Variants in CATSPERE observed in about 807,000 individuals in gnomAD.
CATSPERE encodes catsper channel auxiliary subunit epsilon.
A neutral mutation model predicts 114.1 loss-of-function variants in CATSPERE; 93 were observed. That is an observed-to-expected ratio of 0.81 (90% CI 0.69 to 0.97). The LOEUF (loss-of-function observed/expected upper bound fraction) is 0.97. Among genes scored for constraint, CATSPERE ranks in the 50% least tolerant of loss-of-function variants. The pLI is 0.00. For synonymous variants in CATSPERE, 341 were observed against 384.1 expected, an observed-to-expected ratio of 0.89 and a Z score of 1.31; for missense variants, 1,058 against 1,131.6, an observed-to-expected ratio of 0.93 and a Z score of 0.93.
chr1:244,543,839 G>A (rs1004599599), intron 8 of CATSPERE, among the ~76,000 whole-genome samples: 3 of 151,810 alleles, frequency 2.0e-5, no homozygotes, highest in African/African-American at 7.3e-5. Flanking sequence ...GAGGTGAGGG[G>A]AGAAACATAG....
Position 244,552,431 on chromosome 1 carries a change from A to G in CATSPERE, c.646A>G (p.Thr216Ala), listed in dbSNP as rs760291280. ...TATTGCAGATTTTCTTATTCTGTTGACTTTTCCTTTGTTGACCATACCTGA... is the reference window on the plus strand; with the variant it reads ...TATTGCAGATTTTCTTATTCTGTTGGCTTTTCCTTTGTTGACCATACCTGA... The part of the protein sequence containing the change: ...CFIADFLILL[T>A]FPLLTIPEIP... The change falls in exon 9 of 22, where the codon ACT (threonine) becomes GCT (alanine). Residue 216 changes from threonine (T) to alanine (A), a missense_variant. Transcript: ENST00000366534. 6.2e-7 allele frequency: 1 copy of G among 1,614,150 alleles called. No individual in the cohort carries two copies. The highest frequency in any genetic ancestry group is 8.5e-7 in the Non-Finnish European group (1 of 1,180,014).
At chr1:244,483,873 C>A (rs576818392) in intron 5 of CATSPERE, among the ~76,000 whole-genome samples, 9 of 151,942 alleles carry the variant, frequency 5.9e-5, no homozygotes, top group Non-Finnish European at 1.0e-4. Context: ...TTTAAGAAAT[C>A]TTTTCCTACT....
At chr1:244,471,439 A>G (rs1668459581) in intron 2 of CATSPERE, among the ~76,000 whole-genome samples, 1 of 152,220 alleles carries the variant, frequency 6.6e-6, no homozygotes, top group Non-Finnish European at 1.5e-5. Context: ...TAGTTTGATG[A>G]CCTTTGGCAA....
intron 5 of CATSPERE, among the ~76,000 whole-genome samples, chr1:244,480,419 G>A (rs954419692): frequency 1.3e-5 from 2 of 152,186 alleles, no homozygotes; most frequent in African/African-American, 4.8e-5. Flanking sequence ...ACCCCAAGAT[G>A]CCTGGAAAAT....
intron 11 of CATSPERE, among the ~76,000 whole-genome samples, chr1:244,578,063 T>TA: frequency 6.6e-6 from 1 of 152,346 alleles, no homozygotes; most frequent in East Asian, 1.9e-4. Context: ...TTGATTATAG[T>TA]ATACAGTTGA....
At chr1:244,592,205 C>T (rs1667816529) in intron 15 of CATSPERE, among the ~76,000 whole-genome samples, 1 of 152,048 alleles carries the variant, frequency 6.6e-6, no homozygotes, top group Admixed American at 6.6e-5. Flanking sequence ...AAAAAACTAG[C>T]CGGGCATGGT....
At chr1:244,460,999 C>A (rs1666651023), upstream of CATSPERE, among the ~76,000 whole-genome samples, 3 of 152,250 alleles carry the variant, frequency 2.0e-5, no homozygotes, top group South Asian at 6.2e-4. Context: ...ATTGCAGTGT[C>A]TATACGCAGT....
intron 8 of CATSPERE, among the ~76,000 whole-genome samples, chr1:244,520,993 G>A (rs1194495332): frequency 1.3e-5 from 2 of 152,112 alleles, no homozygotes; most frequent in African/African-American, 4.8e-5. Flanking sequence ...ATATAAGAAA[G>A]GAAAATCACA....
intron 8 of CATSPERE, among the ~76,000 whole-genome samples, chr1:244,530,392 C>A (rs1679402249): frequency 6.6e-6 from 1 of 152,164 alleles, no homozygotes; most frequent in South Asian, 2.1e-4. Context: ...TGTTTCTATG[C>A]CAGTACCATG....
At chr1:244,498,877 G>A (rs1673544462) in intron 6 of CATSPERE, 125 bp from the exon 7 acceptor site, 5 of 585,066 alleles carry the variant, frequency 8.5e-6, no homozygotes, top group South Asian at 4.3e-5. Flanking sequence ...CAGCCTGGGC[G>A]ACAGAGCAAG....
chr1:244,633,104 C>T lies in CATSPERE; in HGVS notation c.2649-2385C>T, dbSNP rs1674179490. Among the ~76,000 whole-genome samples, 1 of 152,090 alleles carries T rather than the reference C, an allele frequency of 6.6e-6. No homozygotes were observed. Among genetic ancestry groups the T allele is most frequent in the Non-Finnish European group, 1.5e-5 (1 of 68,026 alleles). On this transcript the variant is annotated intron_variant, in intron 20 of 21. Coordinates refer to ENST00000366534, the MANE Select transcript of CATSPERE (RefSeq NM_001130957.2). This position sits in a 1 kb window ranked among gnomAD's most constrained non-coding sequence, Gnocchi z 4.1. ...AAATGTGGATTTACCTTTAAAACAG[C>T]TTCAAAATACATGAAACAAAAACGG...
At chr1:244,595,790 G>A (rs551884788) in intron 17 of CATSPERE, among the ~76,000 whole-genome samples, 7 of 152,128 alleles carry the variant, frequency 4.6e-5, no homozygotes, top group South Asian at 4.1e-4. Context: ...AAAATTAGCC[G>A]GGCGTGGTGG....
In CATSPERE at chr1:244,572,510, T is replaced by C. The variant is rs138980646; in HGVS notation, c.1688T>C (p.Ile563Thr). The C allele has an allele frequency of 1.7e-4, 269 of 1,614,120 alleles. 4 individuals carry two copies. In the South Asian group the frequency reaches 1.8e-3, roughly 11 times the overall value. Residue 563 changes from isoleucine (I) to threonine (T), a missense_variant, in exon 11 of 22, where the codon ATA (isoleucine) becomes ACA (threonine). Transcript: ENST00000366534. The stretch of plus-strand genomic sequence containing the variant: ...GCTTTGGATGATGGCACAATACAAA[T>C]ACAGGACTATCCCTTACATCTGGAA... ...LYALDDGTIQIQDYPLHLEAQ... is the reference protein window; with the variant it reads ...LYALDDGTIQTQDYPLHLEAQ...
intron 2 of CATSPERE, among the ~76,000 whole-genome samples, chr1:244,473,343 T>C (rs2148125764): frequency 6.6e-6 from 1 of 152,264 alleles, no homozygotes; most frequent in African/African-American, 2.4e-5. Context: ...AATTTGCAGT[T>C]CCCTAATGAC....
intron 7 of CATSPERE, among the ~76,000 whole-genome samples, chr1:244,514,418 T>C (rs1676247572): frequency 6.6e-6 from 1 of 152,206 alleles, no homozygotes; most frequent in African/African-American, 2.4e-5. Context: ...TCTTAAGTGG[T>C]AACATGACAG....
chr1:244,569,366 T>C (rs999767149), intron 10 of CATSPERE, among the ~76,000 whole-genome samples: 1 of 152,232 alleles, frequency 6.6e-6, no homozygotes, highest in Admixed American at 6.5e-5. Context: ...ACTGGAGCTG[T>C]TCCTATTCTC....
At position 244,591,731 on chromosome 1, in the gene CATSPERE, A is replaced by C; in HGVS notation, c.2189A>C (p.Lys730Thr). The C allele has an allele frequency of 1.3e-6, 2 of 1,505,306 alleles. No individual in the cohort carries two copies. Among genetic ancestry groups the C allele is most frequent in the Non-Finnish European group, 1.8e-6 (2 of 1,088,112 alleles). 93.2% of individuals were successfully genotyped at this position (1,505,306 alleles called of 1,614,324 possible). A position where few individuals can be genotyped will look rare whatever the true frequency, so the allele number is the denominator to read the frequency against. ...HHHDFSYVIE[K>T]SYLRHQPSKN... ...CATGATTTTTCATACGTGATTGAAA[A>C]GTAAGAAATTTTTTAACATAAGCAC... The change falls in exon 15 of 22, where the codon AAG becomes ACG. Residue 730 changes from lysine to threonine, a missense_variant and splice_region_variant. Lys to Thr is a moderately conservative substitution (Grantham distance 78, BLOSUM62 -1). Around this residue, in one of 2 missense-constraint regions of CATSPERE, gnomAD observed 787 missense variants for 905.6 expected, o/e 0.87. Coordinates refer to ENST00000366534, the MANE Select transcript of CATSPERE (RefSeq NM_001130957.2).
At position 244,552,552 on chromosome 1, in the gene CATSPERE, A is replaced by T; in HGVS notation, c.767A>T (p.Asp256Val). ...CVVASAVLVT[D>V]METFHTTDSF... Reference sequence around the variant, plus strand: ...GTTGCATCTGCTGTTTTGGTGACAGATATGGAGACCTTTCACACAACTGAT... The same window carrying T: ...GTTGCATCTGCTGTTTTGGTGACAGTTATGGAGACCTTTCACACAACTGAT... Residue 256 changes from aspartate to valine, a missense_variant, in exon 9 of 22, where the codon GAT becomes GTT. By Grantham distance (152) the Asp-to-Val change is radical (BLOSUM62 -3). This residue lies in a region of CATSPERE where 787 missense variants were observed against 905.6 expected (regional missense o/e 0.87). Transcript: ENST00000366534. The T allele has an allele frequency of 6.2e-7, 1 of 1,614,214 alleles. No homozygotes were observed. The highest frequency in any genetic ancestry group is 8.5e-7 in the Non-Finnish European group (1 of 1,180,034).
chr1:244,496,027 T>C (rs376340746), intron 6 of CATSPERE, among the ~76,000 whole-genome samples: 5 of 152,324 alleles, frequency 3.3e-5, no homozygotes, highest in Admixed American at 6.5e-5. Flanking sequence ...TTTTGATTTA[T>C]ATTCAGGCGT....
Sources: allele counts gnomAD v4.1 joint callset (sites outside exome capture counted in the v4.1 genomes callset), GRCh38; gene constraint gnomAD v4.1.1; regional missense constraint gnomAD v4.1.1; non-coding constraint Gnocchi (gnomAD v3.1); transcripts MANE v1.5; gene names NCBI Gene and HGNC (gene_info 2026-07-23, HGNC 2026-07-21).